The following RBM6 variants were observed in gnomAD, a reference collection of about 807,000 sequenced individuals.
RBM6 encodes RNA-binding protein 6.
A neutral mutation model predicts 140.4 loss-of-function variants in RBM6; 23 were observed. That is an observed-to-expected ratio of 0.16 (90% CI 0.12 to 0.23). RBM6 has a LOEUF of 0.23. Among genes scored for constraint, RBM6 ranks in the 10% least tolerant of loss-of-function variants. The pLI, the probability that RBM6 is intolerant of heterozygous loss-of-function variation, is 1.00. For synonymous variants in RBM6, 439 were observed against 475.6 expected, an observed-to-expected ratio of 0.92 and a Z score of 1.00; for missense variants, 1,139 against 1,386.7, an observed-to-expected ratio of 0.82 and a Z score of 2.84.
intron 1 of RBM6, among the ~76,000 whole-genome samples, chr3:49,957,343 A>G (rs1282656905): frequency 1.4e-5 from 2 of 146,476 alleles, no homozygotes; most frequent in African/African-American, 5.0e-5. Flanking sequence ...AGAGAGTCTC[A>G]CTATATGGCC....
chr3:50,063,104 G>T (rs1361009226), intron 15 of RBM6, among the ~76,000 whole-genome samples: 1 of 151,870 alleles, frequency 6.6e-6, no homozygotes, highest in Non-Finnish European at 1.5e-5. Flanking sequence ...GATTGACCAG[G>T]CTGATCTCGA....
chr3:49,967,779 G>A lies in RBM6; in HGVS notation c.354G>A (p.Arg118=), dbSNP rs751580784. The stretch of plus-strand genomic sequence containing the variant: ...CATCACAGTTGGACTTCAGGGGTAG[G>A]GACATACATTCTGGGGATTTTCGGG... ...RDSSQLDFRG[R]DIHSGDFRDR... The change falls in exon 3 of 21, where the codon AGG becomes AGA. Residue 118 remains arginine, a synonymous_variant. Transcript: ENST00000266022. The surrounding 1 kb of genome is among the most constrained non-coding windows in gnomAD (Gnocchi z 4.0). 8 of 1,613,970 alleles carry A rather than the reference G, an allele frequency of 5.0e-6. No homozygotes were observed. In the South Asian group the frequency reaches 7.7e-5, roughly 16 times the overall value.
intron 5 of RBM6, among the ~76,000 whole-genome samples, chr3:49,988,729 G>A (rs1474836201): frequency 1.3e-5 from 2 of 152,060 alleles, no homozygotes; most frequent in Non-Finnish European, 2.9e-5. Flanking sequence ...CTATATGCTG[G>A]GAGGCTGAGG....
intron 8 of RBM6, among the ~76,000 whole-genome samples, chr3:50,055,297 GCACATGCTTGGAATCCCAGC>G (rs1264402786): frequency 2.6e-5 from 4 of 152,188 alleles, no homozygotes; most frequent in African/African-American, 7.2e-5. Context: ...AGGTGTGGTG[GCACATGCTTGGAATCCCAGC>G]TCCTTGGGAG....
At chr3:49,951,353 C>T (rs910577804) in intron 1 of RBM6, among the ~76,000 whole-genome samples, 1 of 151,584 alleles carries the variant, frequency 6.6e-6, no homozygotes, top group African/African-American at 2.4e-5. Context: ...GCTGGGACTA[C>T]AGATGTGTTC....
chr3:50,058,724 C>G, intron 10 of RBM6, 162 bp downstream of exon 10: 2 of 624,634 alleles, frequency 3.2e-6, no homozygotes, highest in Non-Finnish European at 5.3e-6. Flanking sequence ...ACCATCCTGG[C>G]TAACACGGTG....
intron 6 of RBM6, among the ~76,000 whole-genome samples, chr3:50,038,598 G>A (rs1235573213): frequency 1.3e-5 from 2 of 152,148 alleles, no homozygotes; most frequent in Admixed American, 6.6e-5. Context: ...TTGGGAGGCC[G>A]AGGCGGGCGG....
chr3:50,006,714 C>T (rs1309889566), intron 6 of RBM6, among the ~76,000 whole-genome samples: 2 of 151,386 alleles, frequency 1.3e-5, no homozygotes, highest in African/African-American at 4.9e-5. Flanking sequence ...GGGCGGATCA[C>T]GAGGTCAGGA....
chr3:49,954,400 A>G (rs2083878374), intron 1 of RBM6, among the ~76,000 whole-genome samples: 2 of 150,190 alleles, frequency 1.3e-5, no homozygotes, highest in East Asian at 4.0e-4. Flanking sequence ...AGATTGCACC[A>G]TTGCACTCCA....
chr3:50,011,595 T>G (rs928906180), intron 6 of RBM6, among the ~76,000 whole-genome samples: 3 of 152,162 alleles, frequency 2.0e-5, no homozygotes, highest in Non-Finnish European at 4.4e-5. Flanking sequence ...ATGTGTGCTC[T>G]CCACATATGT....
chr3:49,990,982 A>G (rs2085791777), intron 5 of RBM6, among the ~76,000 whole-genome samples: 1 of 152,194 alleles, frequency 6.6e-6, no homozygotes, highest in African/African-American at 2.4e-5. Context: ...CCATAAGACC[A>G]TTCTTACTTC....
chr3:50,016,824 GTT>G (rs71080567), intron 6 of RBM6, among the ~76,000 whole-genome samples: 2 of 86,054 alleles, frequency 2.3e-5, no homozygotes, highest in Non-Finnish European at 2.3e-5. Flanking sequence ...CATGCCTAGC[GTT>G]TTTTTTTTTT....
chr3:50,014,642 T>C (rs1190526133), intron 6 of RBM6, among the ~76,000 whole-genome samples: 1 of 152,210 alleles, frequency 6.6e-6, no homozygotes. Context: ...TATGCTGATA[T>C]AGTTAAGGGG....
chr3:49,950,689 A>G (rs1035239930), intron 1 of RBM6, among the ~76,000 whole-genome samples: 1 of 151,866 alleles, frequency 6.6e-6, no homozygotes, highest in African/African-American at 2.4e-5. Context: ...CGGGAGACGG[A>G]GGTTGCAGTA....
intron 6 of RBM6, among the ~76,000 whole-genome samples, chr3:50,015,802 A>G (rs2087114094): frequency 6.6e-6 from 1 of 152,210 alleles, no homozygotes; most frequent in Non-Finnish European, 1.5e-5. Flanking sequence ...ACATGTGCAC[A>G]TTGTAGAATA....
At chr3:49,982,292 G>C (rs1414534447) in intron 5 of RBM6, among the ~76,000 whole-genome samples, 2 of 59,728 alleles carry the variant, frequency 3.3e-5, no homozygotes, top group Non-Finnish European at 3.1e-5. Flanking sequence ...TTTTTTTTTG[G>C]TAGAAACAAG....
chr3:49,958,064 T>G (rs1233635079), intron 1 of RBM6, among the ~76,000 whole-genome samples: 1 of 152,150 alleles, frequency 6.6e-6, no homozygotes, highest in Non-Finnish European at 1.5e-5. Flanking sequence ...ACTCCTGACC[T>G]CAGGTGTGAG....
chr3:50,043,608 G>A (rs964999565), intron 6 of RBM6, among the ~76,000 whole-genome samples: 10 of 150,580 alleles, frequency 6.6e-5, no homozygotes, highest in Non-Finnish European at 1.5e-4. Flanking sequence ...TATTTGAGTC[G>A]GAATCTGGCT....
chr3:49,943,862 C>T (rs2083385033), intron 1 of RBM6, among the ~76,000 whole-genome samples: 1 of 152,168 alleles, frequency 6.6e-6, no homozygotes, highest in Non-Finnish European at 1.5e-5. Context: ...TTCCAATTTT[C>T]CCACATCCTC....
Sources: allele counts gnomAD v4.1 joint callset (sites outside exome capture counted in the v4.1 genomes callset), GRCh38; gene constraint gnomAD v4.1.1; non-coding constraint Gnocchi (gnomAD v3.1); transcripts MANE v1.5; gene names NCBI Gene and HGNC (gene_info 2026-07-23, HGNC 2026-07-21).